The following MYRIP variants were observed in gnomAD, a reference collection of about 807,000 sequenced individuals.
The protein encoded by MYRIP is rab effector MyRIP.
In MYRIP, 49 loss-of-function variants were observed where a neutral mutation model predicts 98.0. The observed-to-expected ratio is 0.50, with a 90% CI of 0.40 to 0.63. MYRIP has a LOEUF of 0.63. Among genes scored for constraint, MYRIP ranks in the 30% least tolerant of loss-of-function variants. The pLI is 0.00. For missense variants in MYRIP, 1,004 were observed against 1,058.2 expected (o/e 0.95, Z 0.71); for synonymous variants, 404 against 409.5 (o/e 0.99, Z 0.16).
intron 12 of MYRIP, among the ~76,000 whole-genome samples, chr3:40,236,275 T>A (rs890569704): frequency 3.9e-5 from 6 of 152,228 alleles, no homozygotes; most frequent in Non-Finnish European, 7.3e-5. Context: ...GTACACTCTA[T>A]GATGTTCACA....
chr3:40,118,942 G>T (rs573574389), intron 3 of MYRIP, among the ~76,000 whole-genome samples: 40 of 151,904 alleles, frequency 2.6e-4, no homozygotes, highest in Non-Finnish European at 2.8e-4. Flanking sequence ...GTATTCCATG[G>T]TGTATATGTG....
intron 2 of MYRIP, among the ~76,000 whole-genome samples, chr3:39,913,241 T>C (rs1944069795): frequency 6.6e-6 from 1 of 152,168 alleles, no homozygotes; most frequent in East Asian, 1.9e-4. Flanking sequence ...AGAAATCTAT[T>C]TTAATGCAAT....
intron 2 of MYRIP, among the ~76,000 whole-genome samples, chr3:39,917,291 C>T (rs1944184996): frequency 6.6e-6 from 1 of 151,358 alleles, no homozygotes; most frequent in South Asian, 2.1e-4. Context: ...TTAAATTCAG[C>T]CTGTACTCCA....
intron 1 of MYRIP, among the ~76,000 whole-genome samples, chr3:39,894,372 T>C (rs1015351333): frequency 6.6e-6 from 1 of 152,218 alleles, no homozygotes; most frequent in African/African-American, 2.4e-5. Context: ...TTTTGAACTT[T>C]ATACAATTGG....
intron 2 of MYRIP, 31 bp from the exon 3 acceptor site, chr3:40,044,019 T>G (rs1947610191): frequency 1.9e-6 from 3 of 1,605,070 alleles, no homozygotes; most frequent in Admixed American, 1.7e-5. Context: ...GTTTCTCTCC[T>G]CCTCCCATTT....
At chr3:40,237,812 A>G (rs555031598) in intron 12 of MYRIP, among the ~76,000 whole-genome samples, 1 of 152,358 alleles carries the variant, frequency 6.6e-6, no homozygotes, top group South Asian at 2.1e-4. Context: ...TATGGTACCA[A>G]AAAACAGTGT....
chr3:40,022,891 T>G (rs6801508), intron 2 of MYRIP, among the ~76,000 whole-genome samples: 75,371 of 151,988 alleles, frequency 0.5, 20,390 homozygotes, highest in East Asian at 0.67. Flanking sequence ...GTTTTGAGTT[T>G]GATTCCACAT....
chr3:40,204,223 AAATATATATATATTTT>A (rs1438880108), intron 10 of MYRIP, among the ~76,000 whole-genome samples: 6 of 6,448 alleles, frequency 9.3e-4, no homozygotes, highest in South Asian at 0.011. Flanking sequence ...TATTATATAT[AAATATATATATATTTT>A]TTTTTTTTGA....
At chr3:40,195,463 C>A (rs1575617060) in intron 10 of MYRIP, among the ~76,000 whole-genome samples, 1 of 151,910 alleles carries the variant, frequency 6.6e-6, no homozygotes, top group Non-Finnish European at 1.5e-5. Context: ...CAGCTAATTT[C>A]TTTTTATTTT....
intron 3 of MYRIP, among the ~76,000 whole-genome samples, chr3:40,146,415 CAT>C (rs1413152438): frequency 3.9e-5 from 6 of 152,210 alleles, no homozygotes; most frequent in African/African-American, 7.2e-5. Context: ...CTGAAAGACA[CAT>C]GTGCTCAGGA....
intron 9 of MYRIP, among the ~76,000 whole-genome samples, chr3:40,189,157 A>G (rs763061374): frequency 1.6e-4 from 24 of 152,208 alleles, no homozygotes; most frequent in Non-Finnish European, 2.9e-4. Flanking sequence ...CTCACTCTAA[A>G]AGTTAGCAGC....
At chr3:39,972,379 T>A (rs6808199) in intron 2 of MYRIP, among the ~76,000 whole-genome samples, 29,381 of 151,998 alleles carry the variant, frequency 0.19, 5,541 homozygotes, top group African/African-American at 0.49. Flanking sequence ...TAACTTTGTT[T>A]TTGGGTGAAA....
rs57850162 is a variant in MYRIP, at chr3:39,827,980, A to G, written c.-31+18064A>G. On this transcript the variant is annotated intron_variant, in intron 1 of 16. Transcript: ENST00000302541. ...TCTTAGTCTCATGGGATTCCCTTAT[A>G]TGTGACTTGATGCTTTTCTCCTGCT... Among the ~76,000 whole-genome samples, 843 of 152,042 alleles carry G rather than the reference A, an allele frequency of 5.5e-3. 6 individuals are homozygous for G. Among genetic ancestry groups the G allele is most frequent in the African/African-American group, 0.019 (800 of 41,464 alleles).
intron 2 of MYRIP, among the ~76,000 whole-genome samples, chr3:40,003,422 G>A (rs1026976259): frequency 6.6e-6 from 1 of 152,166 alleles, no homozygotes; most frequent in Non-Finnish European, 1.5e-5. Flanking sequence ...ACTTGTATGT[G>A]GGTTGAGTCT....
At chr3:40,146,455 T>A (rs1466579402) in intron 3 of MYRIP, among the ~76,000 whole-genome samples, 1 of 152,216 alleles carries the variant, frequency 6.6e-6, no homozygotes, top group South Asian at 2.1e-4. Context: ...TTTCTCTTCA[T>A]TGAAGTCAGT....
chr3:40,077,308 C>T (rs1008634309), intron 3 of MYRIP, among the ~76,000 whole-genome samples: 2 of 152,170 alleles, frequency 1.3e-5, no homozygotes, highest in Non-Finnish European at 2.9e-5. Context: ...GCTCGGGCAG[C>T]CTGCTTTTAT....
rs1948913333 is a variant in MYRIP at position 40,099,978 on chromosome 3, G to A, written c.333-51070G>A. ...GGCATTGGTTGTCTGAGATTTCACAGCTCTCCGTCACCTCCCTTCTGAAAC... is the reference window on the plus strand; with the variant it reads ...GGCATTGGTTGTCTGAGATTTCACAACTCTCCGTCACCTCCCTTCTGAAAC... On this transcript the variant is annotated intron_variant, in intron 3 of 16. Transcript: ENST00000302541. 1.9e-5 allele frequency: 19 copies of A among 984,528 alleles called. No homozygotes were observed. In the South Asian group the frequency reaches 7.5e-4, roughly 39 times the overall value. The allele number at this position is 984,528 out of a possible 1,614,324, so 61.0% of individuals were successfully genotyped here.
At chr3:40,253,251 T>G (rs549473200) in intron 16 of MYRIP, among the ~76,000 whole-genome samples, 5 of 152,310 alleles carry the variant, frequency 3.3e-5, no homozygotes, top group African/African-American at 1.2e-4. Flanking sequence ...ACCTCTAGCA[T>G]TACCAGTATT....
intron 1 of MYRIP, among the ~76,000 whole-genome samples, chr3:39,823,694 G>A (rs1025982797): frequency 6.6e-6 from 1 of 151,800 alleles, no homozygotes; most frequent in Non-Finnish European, 1.5e-5. Flanking sequence ...TCTTTTTAAT[G>A]GGATTTTTTT....
Sources: allele counts gnomAD v4.1 joint callset (sites outside exome capture counted in the v4.1 genomes callset), GRCh38; gene constraint gnomAD v4.1.1; transcripts MANE v1.5; gene names NCBI Gene and HGNC (gene_info 2026-07-23, HGNC 2026-07-21).